TPTE2: variants seen among roughly 807,000 people sequenced by gnomAD.
TPTE2 encodes phosphatidylinositol 3,4,5-trisphosphate 3-phosphatase TPTE2.
A neutral mutation model predicts 78.6 loss-of-function variants in TPTE2; 53 were observed. That is an observed-to-expected ratio of 0.67 (90% CI 0.54 to 0.85). The LOEUF (loss-of-function observed/expected upper bound fraction) is 0.85. TPTE2 is among the 40% of genes least tolerant of loss of function. The pLI is 0.00. For synonymous variants in TPTE2, 175 were observed against 206.2 expected (o/e 0.85, Z 1.30); for missense variants, 461 against 623.0 (o/e 0.74, Z 2.77).
At chr13:19,525,327 T>C (rs1179759276) in intron 1 of TPTE2, among the ~76,000 whole-genome samples, 2 of 152,188 alleles carry the variant, frequency 1.3e-5, no homozygotes, top group Admixed American at 6.5e-5. Context: ...CAAAACAGCA[T>C]GGCACTGGTA....
chr13:19,515,787 C>A (rs1343153693), intron 1 of TPTE2, among the ~76,000 whole-genome samples: 1 of 152,078 alleles, frequency 6.6e-6, no homozygotes, highest in Non-Finnish European at 1.5e-5. Flanking sequence ...CATAAGCAGC[C>A]TTATTAAATG....
At chr13:19,473,275 C>T (rs747475002) in intron 6 of TPTE2, among the ~76,000 whole-genome samples, 2 of 152,240 alleles carry the variant, frequency 1.3e-5, no homozygotes, top group Non-Finnish European at 2.9e-5. Flanking sequence ...ACAGCCAGGC[C>T]TGTGTCCTTC....
chr13:19,428,698 C>T (rs1039353128), intron 17 of TPTE2, among the ~76,000 whole-genome samples: 1 of 151,144 alleles, frequency 6.6e-6, no homozygotes, highest in Middle Eastern at 3.4e-3. Flanking sequence ...CACTGCACTA[C>T]AGCCTGGGTG....
intron 1 of TPTE2, among the ~76,000 whole-genome samples, chr13:19,502,926 T>G (rs1410380349): frequency 6.6e-6 from 1 of 151,788 alleles, no homozygotes; most frequent in African/African-American, 2.4e-5. Context: ...TCCTGTGACC[T>G]GCTCCTTTTC....
chr13:19,486,220 C>T lies in TPTE2; in HGVS notation c.120-3673G>A, dbSNP rs531025340. ...ATGTCAGTTCATTGGGGTATACTGGCCTTGGTTCTACATGGATGCAGTAAG... is the reference window on the plus strand; with the variant it reads ...ATGTCAGTTCATTGGGGTATACTGGTCTTGGTTCTACATGGATGCAGTAAG... On this transcript the variant is annotated intron_variant, in intron 3 of 19. Coordinates refer to ENST00000400230, the Ensembl canonical transcript of TPTE2. The surrounding 1 kb of genome is among the most constrained non-coding windows in gnomAD (Gnocchi z 4.3). 6.6e-6 allele frequency among the ~76,000 whole-genome samples: 1 copy of T among 152,054 alleles called. No homozygotes were observed. The highest frequency in any genetic ancestry group is 2.4e-5 in the African/African-American group (1 of 41,482).
At chr13:19,468,025 CTTTTTTTTTTTTT>C (rs71092364) in intron 6 of TPTE2, among the ~76,000 whole-genome samples, 1 of 45,492 alleles carries the variant, frequency 2.2e-5, no homozygotes, top group Non-Finnish European at 3.7e-5. Flanking sequence ...GACAGGATCT[CTTTTTTTTTTTTT>C]TTTTTTTTTT....
At chr13:19,485,882 A>G (rs1396459093) in intron 3 of TPTE2, among the ~76,000 whole-genome samples, 1 of 151,838 alleles carries the variant, frequency 6.6e-6, no homozygotes, top group Non-Finnish European at 1.5e-5. Flanking sequence ...GGTTATTTTT[A>G]TGATATCTGT....
intron 10 of TPTE2, among the ~76,000 whole-genome samples, chr13:19,457,275 G>A (rs1468965346): frequency 6.6e-6 from 1 of 152,132 alleles, no homozygotes; most frequent in Non-Finnish European, 1.5e-5. Flanking sequence ...TACCATATGT[G>A]TTATACCTCA....
chr13:19,460,151 A>C (rs896102215), intron 10 of TPTE2, among the ~76,000 whole-genome samples: 1 of 152,214 alleles, frequency 6.6e-6, no homozygotes, highest in Non-Finnish European at 1.5e-5. Flanking sequence ...TGATGTGCCC[A>C]GACTCCATAC....
upstream of TPTE2, among the ~76,000 whole-genome samples, chr13:19,506,510 C>T (rs928319855): frequency 1.3e-5 from 2 of 152,080 alleles, no homozygotes; most frequent in African/African-American, 4.8e-5. Flanking sequence ...ATGGGTGGCT[C>T]TCTCATAGGT....
intron 10 of TPTE2, among the ~76,000 whole-genome samples, chr13:19,463,646 T>G (rs1879078814): frequency 6.6e-6 from 1 of 152,156 alleles, no homozygotes; most frequent in Non-Finnish European, 1.5e-5. Context: ...GAGAAATACT[T>G]TTTCCAATAG....
At chr13:19,456,580 C>T (rs531200312) in intron 10 of TPTE2, among the ~76,000 whole-genome samples, 1 of 152,254 alleles carries the variant, frequency 6.6e-6, no homozygotes, top group African/African-American at 2.4e-5. Context: ...AACTTATCAA[C>T]TACATAGAAA....
chr13:19,536,924 TG>T (rs1336181049), upstream of TPTE2, among the ~76,000 whole-genome samples: 1 of 150,784 alleles, frequency 6.6e-6, no homozygotes, highest in Admixed American at 6.6e-5. Context: ...TTGTTTAATA[TG>T]AATATGAAAT....
At chr13:19,493,317 G>A (rs1176812417) in intron 2 of TPTE2, 131 bp downstream of exon 5, 1 of 656,880 alleles carries the variant, frequency 1.5e-6, no homozygotes, top group Non-Finnish European at 2.6e-6. Context: ...GAAGAGAAGT[G>A]TGGATGGATG....
chr13:19,526,855 A>T, intron 1 of TPTE2, among the ~76,000 whole-genome samples: 1 of 152,298 alleles, frequency 6.6e-6, no homozygotes, highest in Admixed American at 6.5e-5. Flanking sequence ...AAAATGGTTA[A>T]TATTGATGTA....
chr13:19,470,194 T>C (rs1394583038), intron 6 of TPTE2, among the ~76,000 whole-genome samples: 1 of 152,208 alleles, frequency 6.6e-6, no homozygotes, highest in Non-Finnish European at 1.5e-5. Flanking sequence ...TATGTTTAGG[T>C]GTGCTACTTC....
the TPTE2 span, chr13:19,561,411 C>T: frequency 2.3e-6 from 1 of 442,612 alleles, no homozygotes; most frequent in Non-Finnish European, 3.9e-6. Flanking sequence ...GGCGCCGCGC[C>T]CCGCCCCCCA....
rs756851108 is a variant in TPTE2 at position 19,473,900 on chromosome 13, A to G, written c.392+14T>C. 1 of 1,579,386 alleles carries G rather than the reference A, an allele frequency of 6.3e-7. No individual in the cohort carries two copies. The highest frequency in any genetic ancestry group is 8.6e-7 in the Non-Finnish European group (1 of 1,167,322). On this transcript the variant is annotated intron_variant, in intron 6 of 19. Coordinates refer to ENST00000400230, the Ensembl canonical transcript of TPTE2. Reference sequence around the variant, plus strand: ...CAAAATAGCTTAATGCATTATAAAAATAATCAAACTTACCCTTCTACAAAT... The same window carrying G: ...CAAAATAGCTTAATGCATTATAAAAGTAATCAAACTTACCCTTCTACAAAT...
In TPTE2 at chr13:19,486,059, GA is replaced by G. The variant is rs1165637218; in HGVS notation, c.120-3513del. On this transcript the variant is annotated intron_variant, in intron 3 of 19. Transcript: ENST00000400230. The surrounding 1 kb of genome is among the most constrained non-coding windows in gnomAD (Gnocchi z 4.3). The stretch of plus-strand genomic sequence containing the variant: ...TGGATAATTATTATTTCCCTTTGTA[GA>G]TGACATGTTTTCTTGCATTTTCACG... Among the ~76,000 whole-genome samples, 4 of 152,016 alleles carry G rather than the reference GA, an allele frequency of 2.6e-5. No homozygotes were observed. The highest frequency in any genetic ancestry group is 1.3e-4 in the Admixed American group (2 of 15,256).
Sources: allele counts gnomAD v4.1 joint callset (sites outside exome capture counted in the v4.1 genomes callset), GRCh38; gene constraint gnomAD v4.1.1; non-coding constraint Gnocchi (gnomAD v3.1); transcripts MANE v1.5; gene names NCBI Gene and HGNC (gene_info 2026-07-23, HGNC 2026-07-21).